Variants in CSMD1 observed in about 807,000 individuals in gnomAD.
The protein encoded by CSMD1 is CUB and sushi domain-containing protein 1.
CSMD1 carries 213 observed loss-of-function variants against 417.5 expected under a neutral mutation model. The ratio of observed to expected loss-of-function variants is 0.51; its 90% CI spans 0.46 to 0.57. The LOEUF (loss-of-function observed/expected upper bound fraction) is 0.57, where lower values mean the gene tolerates loss of function less well. Among genes scored for constraint, CSMD1 ranks in the 20% least tolerant of loss-of-function variants. The pLI is 0.00. For missense variants in CSMD1, 6,923 were observed against 4,529.7 expected (o/e 1.53, Z -15.17); for synonymous variants, 2,862 against 1,736.8 (o/e 1.65, Z -16.11).
intron 1 of CSMD1, among the ~76,000 whole-genome samples, chr8:4,756,198 A>T (rs1248421532): frequency 6.6e-6 from 1 of 152,228 alleles, no homozygotes; most frequent in African/African-American, 2.4e-5. Flanking sequence ...CTGTTGATCT[A>T]TTTAACATCT....
chr8:4,147,913 G>T (rs919834804), intron 3 of CSMD1, among the ~76,000 whole-genome samples: 2 of 152,068 alleles, frequency 1.3e-5, no homozygotes, highest in Non-Finnish European at 1.5e-5. Flanking sequence ...AGCCTCGGAG[G>T]CTCCTGCAGC....
chr8:4,071,045 C>A (rs150549664), intron 3 of CSMD1, among the ~76,000 whole-genome samples: 1 of 152,120 alleles, frequency 6.6e-6, no homozygotes, highest in Admixed American at 6.5e-5. Flanking sequence ...TCTTTTGAAG[C>A]AGTTTGGCTG....
At chr8:4,121,955 T>C (rs1362285568) in intron 3 of CSMD1, among the ~76,000 whole-genome samples, 2 of 152,068 alleles carry the variant, frequency 1.3e-5, no homozygotes, top group African/African-American at 4.8e-5. Flanking sequence ...TTAGTGAATT[T>C]AAATTTTAAT....
intron 5 of CSMD1, among the ~76,000 whole-genome samples, chr8:3,886,591 A>G (rs1324267507): frequency 6.6e-6 from 1 of 152,198 alleles, no homozygotes; most frequent in African/African-American, 2.4e-5. Context: ...TTTATTTTCC[A>G]AAGTCCCTGG....
chr8:4,510,630 T>G (rs1273729427), intron 2 of CSMD1, among the ~76,000 whole-genome samples: 1 of 122,530 alleles, frequency 8.2e-6, no homozygotes, highest in African/African-American at 3.1e-5. Flanking sequence ...CTTCCTTCCC[T>G]CTCCCCTTCC....
At chr8:4,906,729 G>T (rs1490618007) in intron 1 of CSMD1, among the ~76,000 whole-genome samples, 1 of 152,048 alleles carries the variant, frequency 6.6e-6, no homozygotes, top group African/African-American at 2.4e-5. Context: ...GCTAATTTTT[G>T]TATTTTTTTT....
In CSMD1 at chr8:3,087,181, G is replaced by T. The variant is rs1455822928; in HGVS notation, c.7390C>A (p.Arg2464=). The change falls in exon 49 of 70, where the codon CGA becomes AGA. Residue 2464 remains arginine (R), a synonymous_variant. Coordinates refer to ENST00000635120, the MANE Select transcript of CSMD1 (RefSeq NM_033225.6). The part of the protein sequence containing the change: ...KVHYFCKPGY[R]MVGHSNATCR... ...GTTGCATTGCTGTGGCCGACCATTC[G>T]GTATCCAGGCTTGCAAAAATAATGC... The T allele has an allele frequency of 9.3e-6, 15 of 1,613,928 alleles. No individual in the cohort carries two copies. Among genetic ancestry groups the T allele is most frequent in the Non-Finnish European group, 1.3e-5 (15 of 1,179,900 alleles).
intron 3 of CSMD1, among the ~76,000 whole-genome samples, chr8:4,132,560 G>C (rs1345122815): frequency 6.6e-6 from 1 of 152,098 alleles, no homozygotes; most frequent in African/African-American, 2.4e-5. Context: ...AATAAATAAG[G>C]CCCTTTGTGC....
intron 52 of CSMD1, among the ~76,000 whole-genome samples, chr8:3,008,449 G>A (rs1271727952): frequency 1.3e-5 from 2 of 152,234 alleles, no homozygotes; most frequent in East Asian, 1.9e-4. Context: ...CGCAAGGCCA[G>A]CCTCTCAAAG....
In CSMD1 at chr8:4,265,436, T is replaced by G. The variant is rs1372645825; in HGVS notation, c.415+154517A>C. 4.3e-4 allele frequency among the ~76,000 whole-genome samples: 21 copies of G among 48,662 alleles called. 2 individuals carry two copies. Among genetic ancestry groups the G allele is most frequent in the African/African-American group, 6.6e-4 (18 of 27,426 alleles). The allele number at this position is 48,662 out of a possible 152,430, so 31.9% of individuals were successfully genotyped here. A position where few individuals can be genotyped will look rare whatever the true frequency, so the allele number is the denominator to read the frequency against. On this transcript the variant is annotated intron_variant, in intron 3 of 69. Transcript: ENST00000635120. ...AGTTCTTCAAAGCCAGTTGAAAAAG[T>G]GTCCTCTAACTTAATTTGACCTCGA...
At chr8:4,881,308 C>T (rs542090283) in intron 1 of CSMD1, among the ~76,000 whole-genome samples, 51 of 152,150 alleles carry the variant, frequency 3.4e-4, no homozygotes, top group African/African-American at 1.2e-3. Context: ...AGTGACAATG[C>T]ATTTTTTTAT....
At chr8:3,627,788 C>A (rs1384840105) in intron 7 of CSMD1, among the ~76,000 whole-genome samples, 1 of 152,122 alleles carries the variant, frequency 6.6e-6, no homozygotes, top group Non-Finnish European at 1.5e-5. Context: ...GGAATTTCAG[C>A]CAGCACATCT....
At chr8:4,121,792 C>T (rs924945709) in intron 3 of CSMD1, among the ~76,000 whole-genome samples, 1 of 151,900 alleles carries the variant, frequency 6.6e-6, no homozygotes, top group African/African-American at 2.4e-5. Flanking sequence ...CAGTACATCA[C>T]TTATTTTCTA....
chr8:4,932,016 G>C (rs76253291), intron 1 of CSMD1, among the ~76,000 whole-genome samples: 127 of 152,226 alleles, frequency 8.3e-4, no homozygotes, highest in African/African-American at 2.9e-3. Context: ...GATTCACATA[G>C]CTACTAATAA....
chr8:4,317,083 G>A (rs150032078), intron 3 of CSMD1, among the ~76,000 whole-genome samples: 172 of 152,252 alleles, frequency 1.1e-3, no homozygotes, highest in African/African-American at 3.9e-3. Context: ...AGCTACTAGT[G>A]TTTATCACAG....
chr8:4,767,448 A>T (rs146477232), intron 1 of CSMD1, among the ~76,000 whole-genome samples: 315 of 152,218 alleles, frequency 2.1e-3, no homozygotes, highest in African/African-American at 7.4e-3. Flanking sequence ...CCAATCCCGC[A>T]CATAGCTCAC....
intron 68 of CSMD1, among the ~76,000 whole-genome samples, chr8:2,946,615 T>C (rs1327843977): frequency 2.0e-5 from 3 of 152,246 alleles, no homozygotes; most frequent in Non-Finnish European, 4.4e-5. Context: ...TATGGCTATA[T>C]TACATATTGT....
At chr8:3,393,041 C>T (rs1010954997) in intron 17 of CSMD1, among the ~76,000 whole-genome samples, 5 of 152,162 alleles carry the variant, frequency 3.3e-5, no homozygotes, top group Admixed American at 6.5e-5. Flanking sequence ...CACTTATGTA[C>T]ATTTCCATAT....
intron 3 of CSMD1, among the ~76,000 whole-genome samples, chr8:4,200,039 A>G (rs1428152199): frequency 1.3e-5 from 2 of 152,208 alleles, no homozygotes; most frequent in African/African-American, 4.8e-5. Context: ...AGGTGCCATA[A>G]AATCCTGAAT....
Sources: gnomAD v4.1 joint callset for allele counts (sites outside exome capture counted in the v4.1 genomes callset) on GRCh38, gnomAD v4.1.1 for gene constraint, MANE v1.5 for transcripts, NCBI Gene and HGNC (gene_info 2026-07-23, HGNC 2026-07-21) for gene names.